Variants in CCSER1 observed in about 807,000 individuals in gnomAD.
CCSER1 encodes the protein serine-rich coiled-coil domain-containing protein 1.
Under a neutral mutation model 82.0 loss-of-function variants are expected in CCSER1, and 41 were observed. That is an observed-to-expected ratio of 0.50 (90% CI 0.39 to 0.65). The LOEUF (loss-of-function observed/expected upper bound fraction) is 0.65. Ranked by LOEUF, CCSER1 falls within the 30% of genes least tolerant of loss-of-function variation. The pLI is 0.00. For synonymous variants in CCSER1, 414 were observed against 383.9 expected (o/e 1.08, Z -0.92); for missense variants, 1,119 against 1,064.2 (o/e 1.05, Z -0.72).
At chr4:90,261,547 G>A (rs1578812599) in intron 1 of CCSER1, among the ~76,000 whole-genome samples, 1 of 152,060 alleles carries the variant, frequency 6.6e-6, no homozygotes, top group African/African-American at 2.4e-5. Context: ...CCTTCATGTT[G>A]ACTTTAGATA....
At position 90,450,705 on chromosome 4, in the gene CCSER1, A is replaced by G. The variant is rs537048285; in HGVS notation, c.1604-17529A>G. Reference sequence around the variant, plus strand: ...TACTGCTGTAGGAGTAGAAAGAAGTACACAGTAAGCCCTCACCCCCATTCT... The same window carrying G: ...TACTGCTGTAGGAGTAGAAAGAAGTGCACAGTAAGCCCTCACCCCCATTCT... On this transcript the variant is annotated intron_variant, in intron 4 of 10. Transcript: ENST00000509176. Among the ~76,000 whole-genome samples, 53 of 152,342 alleles carry G rather than the reference A, an allele frequency of 3.5e-4. 1 individual carries two copies. Among genetic ancestry groups the G allele is most frequent in the African/African-American group, 1.2e-3 (49 of 41,588 alleles).
intron 10 of CCSER1, among the ~76,000 whole-genome samples, chr4:91,249,962 AC>A (rs1389346486): frequency 6.6e-6 from 1 of 151,776 alleles, no homozygotes; most frequent in Non-Finnish European, 1.5e-5. Context: ...AAAAAAAAAA[AC>A]AGCTTTCTCA....
intron 10 of CCSER1, among the ~76,000 whole-genome samples, chr4:91,342,598 A>G: frequency 6.6e-6 from 1 of 152,178 alleles, no homozygotes; most frequent in South Asian, 2.1e-4. Flanking sequence ...AAAACAAAGT[A>G]AAACAAAAGA....
chr4:91,393,673 A>C (rs1037392578), intron 10 of CCSER1, among the ~76,000 whole-genome samples: 3 of 152,036 alleles, frequency 2.0e-5, no homozygotes, highest in African/African-American at 7.2e-5. Context: ...GTTATAGCTC[A>C]TCCTGATTGT....
rs561618364 is a variant in CCSER1 at position 90,308,006 on chromosome 4, A to C, written c.-41-238A>C. ...AGCCAACACTCTTGCATAAACTTTA[A>C]ATATTTCTGTTAATCTTAAAATGTT... On this transcript the variant is annotated intron_variant, in intron 1 of 10. Transcript: ENST00000509176. 1.1e-4 allele frequency among the ~76,000 whole-genome samples: 16 copies of C among 152,300 alleles called. No homozygotes were observed. The South Asian group carries it at 3.3e-3, about 32-fold the overall frequency.
At chr4:91,065,404 TATATTC>T (rs1720702501) in intron 9 of CCSER1, among the ~76,000 whole-genome samples, 1 of 152,182 alleles carries the variant, frequency 6.6e-6, no homozygotes, top group Admixed American at 6.5e-5. Context: ...TGGTAAAAGT[TATATTC>T]ATATCATACT....
At chr4:90,385,844 T>C (rs976965693) in intron 3 of CCSER1, among the ~76,000 whole-genome samples, 2 of 152,212 alleles carry the variant, frequency 1.3e-5, no homozygotes, top group African/African-American at 4.8e-5. Flanking sequence ...TTTTTCTTTT[T>C]TCTTGCTGAT....
Position 90,562,578 on chromosome 4 carries a change from C to T in CCSER1, c.1725-65447C>T, listed in dbSNP as rs181402799. ...TTTGTGACAGAGTCTCACTCTGTCA[C>T]CCAGGCTGGAGTGCAGTGGGGCAGT... is the stretch of plus-strand genomic sequence containing the variant. On this transcript the variant is annotated intron_variant, in intron 5 of 10. Transcript: ENST00000509176. Among the ~76,000 whole-genome samples the T allele has an allele frequency of 8.3e-3, 1,261 of 152,086 alleles. 9 individuals carry two copies. The highest frequency in any genetic ancestry group is 0.012 in the Non-Finnish European group (839 of 67,996).
intron 7 of CCSER1, among the ~76,000 whole-genome samples, chr4:90,794,536 C>A (rs1755715302): frequency 6.6e-6 from 1 of 152,138 alleles, no homozygotes; most frequent in South Asian, 2.1e-4. Flanking sequence ...CTGTTTTGTA[C>A]CAGTACCATG....
In CCSER1 at chr4:90,238,650, C is replaced by T. The variant is rs796391120; in HGVS notation, c.-41-69594C>T. ...GGGTACCTATCACTTCCTTCTCACA[C>T]CCCCTCAACTCGTGCGCACATACAC... On this transcript the variant is annotated intron_variant, in intron 1 of 10. Transcript: ENST00000509176. 2.0e-5 allele frequency among the ~76,000 whole-genome samples: 3 copies of T among 151,978 alleles called. No individual in the cohort carries two copies. The South Asian group carries it at 6.2e-4, about 32-fold the overall frequency.
At chr4:90,481,683 C>T (rs553314953) in intron 5 of CCSER1, among the ~76,000 whole-genome samples, 21 of 152,254 alleles carry the variant, frequency 1.4e-4, no homozygotes, top group African/African-American at 3.4e-4. Flanking sequence ...TATTGATTTT[C>T]GTATGTTGAA....
chr4:90,733,656 C>T (rs773065267), intron 7 of CCSER1, among the ~76,000 whole-genome samples: 8 of 152,028 alleles, frequency 5.3e-5, no homozygotes, highest in African/African-American at 1.2e-4. Context: ...TTGATAGTTA[C>T]GTCTTATATT....
chr4:91,091,312 G>C (rs1312308736), intron 10 of CCSER1, among the ~76,000 whole-genome samples: 1 of 152,150 alleles, frequency 6.6e-6, no homozygotes, highest in African/African-American at 2.4e-5. Context: ...AGGTTCAGAG[G>C]GGTCATAGCA....
intron 10 of CCSER1, among the ~76,000 whole-genome samples, chr4:91,177,798 C>A (rs1249463069): frequency 6.6e-6 from 1 of 152,014 alleles, no homozygotes; most frequent in Admixed American, 6.6e-5. Flanking sequence ...TGAAGTGTTT[C>A]TTGCATCTCT....
At chr4:90,399,432 G>A (rs564211280) in intron 3 of CCSER1, among the ~76,000 whole-genome samples, 37 of 152,076 alleles carry the variant, frequency 2.4e-4, no homozygotes, top group African/African-American at 8.4e-4. Context: ...ATTGGCAAAT[G>A]GTAGCCAAAT....
chr4:91,145,632 G>A (rs952003340), intron 10 of CCSER1, among the ~76,000 whole-genome samples: 11 of 152,050 alleles, frequency 7.2e-5, no homozygotes, highest in African/African-American at 4.8e-5. Context: ...CGGCGTCACT[G>A]TAATGCTTGT....
intron 5 of CCSER1, among the ~76,000 whole-genome samples, chr4:90,605,106 G>C (rs922070976): frequency 6.6e-6 from 1 of 152,172 alleles, no homozygotes; most frequent in Non-Finnish European, 1.5e-5. Context: ...TGTTCACCAT[G>C]ATGGTCTGCA....
intron 10 of CCSER1, among the ~76,000 whole-genome samples, chr4:91,378,587 T>C (rs1156268254): frequency 1.3e-5 from 2 of 152,252 alleles, no homozygotes; most frequent in Non-Finnish European, 2.9e-5. Flanking sequence ...TTGTGACTTT[T>C]GCACATTGAT....
intron 1 of CCSER1, among the ~76,000 whole-genome samples, chr4:90,128,813 C>T (rs976943173): frequency 6.6e-6 from 1 of 151,938 alleles, no homozygotes; most frequent in Non-Finnish European, 1.5e-5. Flanking sequence ...TTAGTGTATC[C>T]TGAACTGCTC....
Sources: gnomAD v4.1 joint callset for allele counts (sites outside exome capture counted in the v4.1 genomes callset) on GRCh38, gnomAD v4.1.1 for gene constraint, MANE v1.5 for transcripts, NCBI Gene and HGNC (gene_info 2026-07-23, HGNC 2026-07-21) for gene names.